BMP1: variants seen among roughly 807,000 people sequenced by gnomAD.
The protein encoded by BMP1 is bone morphogenetic protein 1.
In BMP1, 63 loss-of-function variants were observed where a neutral mutation model predicts 116.8. The ratio of observed to expected loss-of-function variants is 0.54; its 90% CI spans 0.44 to 0.67. The LOEUF is 0.67. Among genes scored for constraint, BMP1 ranks in the 30% least tolerant of loss-of-function variants. The pLI is 0.00. For synonymous variants in BMP1, 536 were observed against 533.4 expected (o/e 1.00, Z -0.07); for missense variants, 1,183 against 1,358.9 (o/e 0.87, Z 2.04).
At chr8:22,173,462 T>C (rs968464279) in intron 1 of BMP1, 140 bp from the exon 2 acceptor site, 9 of 572,830 alleles carry the variant, frequency 1.6e-5, no homozygotes, top group Non-Finnish European at 2.8e-5. Flanking sequence ...CCCTTCTCCT[T>C]CTCGTTCAGA....
At chr8:22,172,312 G>T (rs761630146) in intron 1 of BMP1, among the ~76,000 whole-genome samples, 1 of 151,974 alleles carries the variant, frequency 6.6e-6, no homozygotes, top group South Asian at 2.1e-4. Flanking sequence ...CTTACAAAGC[G>T]GCCAGTTCTA....
chr8:22,210,800 C>T (rs1586478290), intron 19 of BMP1, among the ~76,000 whole-genome samples: 1 of 152,246 alleles, frequency 6.6e-6, no homozygotes, highest in African/African-American at 2.4e-5. Flanking sequence ...CACACCAAAT[C>T]GGATGTCCCC....
chr8:22,202,251 A>T (rs981269321), intron 16 of BMP1, among the ~76,000 whole-genome samples: 8 of 152,228 alleles, frequency 5.3e-5, no homozygotes, highest in African/African-American at 1.9e-4. Flanking sequence ...GAGAAAGGAT[A>T]GTGGGTAAGA....
chr8:22,183,591 A>AATTATTATTATTATTATTATT (rs10687529), intron 8 of BMP1, among the ~76,000 whole-genome samples: 33 of 146,994 alleles, frequency 2.2e-4, no homozygotes, highest in African/African-American at 4.3e-4. Context: ...GTATGTGTTA[A>AATTATTATTATTATTATTATT]ATTATTATTA....
Position 22,194,364 on chromosome 8 carries a change from A to T in BMP1, c.1298-81A>T. On this transcript the variant is annotated intron_variant, in intron 10 of 19. Coordinates refer to ENST00000306385, the MANE Select transcript of BMP1 (RefSeq NM_006129.5). This position sits in a 1 kb window ranked among gnomAD's most constrained non-coding sequence, Gnocchi z 4.5. ...AGCTGGGGGACATGGGAGGGACTGG[A>T]GGAGTGGGGAAAAGAGCTCCCTAGC... 6.4e-7 allele frequency: 1 copy of T among 1,564,874 alleles called. No homozygotes were observed.
At chr8:22,166,082 G>A (rs895411891) in intron 1 of BMP1, among the ~76,000 whole-genome samples, 1 of 152,038 alleles carries the variant, frequency 6.6e-6, no homozygotes, top group African/African-American at 2.4e-5. Flanking sequence ...CCAAGTGGAA[G>A]AAGAAAGTTT....
intron 8 of BMP1, among the ~76,000 whole-genome samples, chr8:22,183,604 A>G (rs1046134423): frequency 6.7e-6 from 1 of 150,248 alleles, no homozygotes; most frequent in Non-Finnish European, 1.5e-5. Flanking sequence ...TATTATTATT[A>G]TTATTATTAT....
rs1010405094 is a variant in BMP1 at position 22,188,941 on chromosome 8, T to C, written c.1078-3108T>C. On this transcript the variant is annotated intron_variant, in intron 8 of 19. Coordinates refer to ENST00000306385, the MANE Select transcript of BMP1 (RefSeq NM_006129.5). ...GGCCCAGGAAGGCCACGTGGAGGAG[T>C]GGTGGAGGGTGTGAGTCAGGAGCCA... Among the ~76,000 whole-genome samples, 5 of 152,102 alleles carry C rather than the reference T, an allele frequency of 3.3e-5. No individual in the cohort carries two copies. The East Asian group carries it at 9.7e-4, about 29-fold the overall frequency.
intron 9 of BMP1, chr8:22,192,444 G>C: frequency 3.4e-6 from 1 of 295,934 alleles, no homozygotes; most frequent in South Asian, 4.3e-5. Flanking sequence ...AGAATTGACT[G>C]AGAGAGACAG....
Position 22,199,156 on chromosome 8 carries a change from CAT to C in BMP1, c.2107+1737_2107+1738del, listed in dbSNP as rs772035449. On this transcript the variant is annotated intron_variant, in intron 15 of 19. Transcript: ENST00000306385. ...AGACACACACGCCCACACGCACACA[CAT>C]GTGCACACACATTGCCCCATCGCAC... 1.9e-4 allele frequency: 259 copies of C among 1,367,624 alleles called. 1 individual carries two copies. The highest frequency in any genetic ancestry group is 2.5e-4 in the Non-Finnish European group (254 of 1,021,988). The allele number at this position is 1,367,624 out of a possible 1,614,324, so 84.7% of individuals were successfully genotyped here.
At chr8:22,207,948 A>G (rs921034733) in intron 18 of BMP1, among the ~76,000 whole-genome samples, 1 of 151,614 alleles carries the variant, frequency 6.6e-6, no homozygotes, top group African/African-American at 2.4e-5. Context: ...CAGTGGTTCG[A>G]TCTTGGTTCA....
In BMP1 at chr8:22,180,468, C is replaced by A. The variant is rs767911481; in HGVS notation, c.1062C>A (p.Val354=). ...TGCACTGCGTGTGGCGCATCTCTGT[C>A]ACACCCGGGGAGAAGGTACGTGTGG... ...AHMHCVWRIS[V]TPGEKIILNF... Residue 354 remains valine (V), a synonymous_variant, in exon 8 of 20, where the codon GTC becomes GTA. Coordinates refer to ENST00000306385, the MANE Select transcript of BMP1 (RefSeq NM_006129.5). 9 of 1,613,878 alleles carry A rather than the reference C, an allele frequency of 5.6e-6. No individual in the cohort carries two copies. The highest frequency in any genetic ancestry group is 7.6e-6 in the Non-Finnish European group (9 of 1,179,904).
At chr8:22,207,616 G>A (rs1344404180) in intron 18 of BMP1, 100 bp downstream of exon 18, 10 of 1,364,396 alleles carry the variant, frequency 7.3e-6, no homozygotes, top group African/African-American at 7.2e-5. Context: ...GAGGGACTGA[G>A]CCCTGCGACC....
chr8:22,177,590 C>T (rs749202360), intron 5 of BMP1: 11 of 750,104 alleles, frequency 1.5e-5, no homozygotes, highest in Non-Finnish European at 2.2e-5. Flanking sequence ...TTCACTGCTC[C>T]TTCTCAGCTG....
intron 8 of BMP1, among the ~76,000 whole-genome samples, chr8:22,185,708 G>A (rs550678627): frequency 3.2e-4 from 48 of 151,432 alleles, no homozygotes; most frequent in Non-Finnish European, 5.6e-4. Context: ...CTTGACCTCT[G>A]CCCCCCGAGT....
intron 16 of BMP1, 149 bp from the exon 17 acceptor site, chr8:22,206,705 A>G: frequency 8.1e-7 from 1 of 1,237,950 alleles, no homozygotes. Flanking sequence ...ACCTCATGAA[A>G]AAGAAACGAT....
intron 2 of BMP1, among the ~76,000 whole-genome samples, chr8:22,174,953 G>T (rs77350331): frequency 0.048 from 7,343 of 152,230 alleles, 528 homozygotes; most frequent in African/African-American, 0.15. Context: ...CTTATTGAGG[G>T]TCTGCTCTGG....
At chr8:22,206,118 G>A (rs1586473273) in intron 16 of BMP1, among the ~76,000 whole-genome samples, 1 of 152,188 alleles carries the variant, frequency 6.6e-6, no homozygotes, top group South Asian at 2.1e-4. Flanking sequence ...TGTAATCCCA[G>A]CACTTTGGAA....
intron 8 of BMP1, among the ~76,000 whole-genome samples, chr8:22,188,100 A>C (rs1253114453): frequency 6.6e-6 from 1 of 151,878 alleles, no homozygotes; most frequent in South Asian, 2.1e-4. Context: ...GGGGTGCACC[A>C]GAAGACTCTG....
Sources: gnomAD v4.1 joint callset for allele counts (sites outside exome capture counted in the v4.1 genomes callset) on GRCh38, gnomAD v4.1.1 for gene constraint, Gnocchi (gnomAD v3.1) non-coding constraint, MANE v1.5 for transcripts, NCBI Gene and HGNC (gene_info 2026-07-23, HGNC 2026-07-21) for gene names.